KIDINS220: variants seen among roughly 807,000 people sequenced by gnomAD.
KIDINS220 encodes kinase D interacting substrate 220.
In KIDINS220, 63 loss-of-function variants were observed where a neutral mutation model predicts 157.6. That is an observed-to-expected ratio of 0.40 (90% CI 0.33 to 0.49). KIDINS220 has a LOEUF of 0.49. Among genes scored for constraint, KIDINS220 ranks in the 20% least tolerant of loss-of-function variants. KIDINS220 has a pLI of 0.66. For synonymous variants in KIDINS220, 732 were observed against 783.6 expected (o/e 0.93, Z 1.10); for missense variants, 1,772 against 2,171.2 (o/e 0.82, Z 3.65).
intron 26 of KIDINS220, chr2:8,737,396 C>T (rs1430060087): frequency 6.3e-6 from 1 of 159,578 alleles, no homozygotes. Context: ...TATATGAATA[C>T]AAAAAATAAA....
At chr2:8,819,501 T>C (rs1040790572) in intron 2 of KIDINS220, among the ~76,000 whole-genome samples, 3 of 152,102 alleles carry the variant, frequency 2.0e-5, no homozygotes, top group African/African-American at 7.2e-5. Context: ...TCATTTTCTG[T>C]AAGTGCCATG....
At chr2:8,834,408 G>C (rs531509125) in intron 1 of KIDINS220, among the ~76,000 whole-genome samples, 1 of 151,478 alleles carries the variant, frequency 6.6e-6, no homozygotes. Flanking sequence ...CACCTGATCA[G>C]AGCTTCTCTG....
intron 4 of KIDINS220, among the ~76,000 whole-genome samples, chr2:8,817,063 G>A (rs1677181026): frequency 6.6e-6 from 1 of 152,226 alleles, no homozygotes; most frequent in East Asian, 1.9e-4. Context: ...TAAAAGGGCT[G>A]AACATTTTAC....
Position 8,823,868 on chromosome 2 carries a change from A to G in KIDINS220, c.108+3118T>C, listed in dbSNP as rs183993236. On this transcript the variant is annotated intron_variant, in intron 2 of 29. Transcript: ENST00000256707. ...TGTATAACAACTTTTGACTATTCAT[A>G]ATCATTGAAGGGGGTAATGATGTTA... 9.8e-5 allele frequency among the ~76,000 whole-genome samples: 15 copies of G among 152,300 alleles called. No homozygotes were observed. The East Asian group carries it at 2.5e-3, about 25-fold the overall frequency.
chr2:8,816,645 T>G (rs989353219), intron 4 of KIDINS220, among the ~76,000 whole-genome samples: 3 of 152,212 alleles, frequency 2.0e-5, no homozygotes, highest in African/African-American at 2.4e-5. Context: ...CTCCCTGCAT[T>G]TCCCTTCTAC....
chr2:8,814,234 C>T (rs73916011), intron 4 of KIDINS220, among the ~76,000 whole-genome samples: 4,549 of 152,100 alleles, frequency 0.03, 221 homozygotes, highest in African/African-American at 0.1. Context: ...TCCTTAACTA[C>T]GATACGATTC....
chr2:8,826,983 T>G lies in KIDINS220; in HGVS notation c.108+3A>C. On this transcript the variant is annotated splice_donor_region_variant and intron_variant, in intron 2 of 29. Coordinates refer to ENST00000256707, the MANE Select transcript of KIDINS220 (RefSeq NM_020738.4). ...GAATGTAATTTTGCAAACTTGGTCT[T>G]ACCTCATTTCTCTCATCTACATCTT... 6.4e-7 allele frequency: 1 copy of G among 1,567,680 alleles called. No individual in the cohort carries two copies. Among genetic ancestry groups the G allele is most frequent in the Non-Finnish European group, 8.8e-7 (1 of 1,141,568 alleles).
intron 23 of KIDINS220, 57 bp from the exon 24 acceptor site, chr2:8,750,392 T>C: frequency 1.7e-6 from 2 of 1,200,664 alleles, no homozygotes; most frequent in South Asian, 4.5e-5. Context: ...TAGGAATCAG[T>C]CCAATTATCA....
chr2:8,751,523 T>C lies in KIDINS220; in HGVS notation c.3133A>G (p.Lys1045Glu), dbSNP rs1366138465. 6.2e-7 allele frequency: 1 copy of C among 1,613,622 alleles called. No individual in the cohort carries two copies. Among genetic ancestry groups the C allele is most frequent in the African/African-American group, 1.3e-5 (1 of 74,880 alleles). ...TTTACAGTGCATGGCAAAAAGACTT[T>C]TACATCTCGAGCCACAAGAACTGGG... ...RTPVLVARDVKVFLPCTVNLD... is the reference protein window; with the variant it reads ...RTPVLVARDVEVFLPCTVNLD... The change falls in exon 23 of 30, where the codon AAA becomes GAA. Residue 1045 changes from lysine (K) to glutamate (E), a missense_variant. Physicochemically the swap from Lys to Glu is moderately conservative, Grantham distance 56. Coordinates refer to ENST00000256707, the MANE Select transcript of KIDINS220 (RefSeq NM_020738.4).
At chr2:8,824,144 G>T (rs947607001) in intron 2 of KIDINS220, among the ~76,000 whole-genome samples, 13 of 152,020 alleles carry the variant, frequency 8.6e-5, no homozygotes, top group African/African-American at 3.1e-4. Flanking sequence ...CAGCTGCTAC[G>T]CAAGTTAAAT....
At chr2:8,723,175 G>T (rs1663057475), downstream of KIDINS220, 1 of 152,268 alleles carries the variant, frequency 6.6e-6, no homozygotes, top group Non-Finnish European at 1.5e-5. Flanking sequence ...GATTTCCCAT[G>T]CACCCTGGCA....
downstream of KIDINS220, among the ~76,000 whole-genome samples, chr2:8,728,354 A>C (rs1272389189): frequency 6.7e-6 from 1 of 149,796 alleles, no homozygotes; most frequent in Non-Finnish European, 1.5e-5. Context: ...AACAAACAAA[A>C]CCACAAAAAA....
At chr2:8,727,938 C>A (rs1253039190), downstream of KIDINS220, among the ~76,000 whole-genome samples, 4 of 152,330 alleles carry the variant, frequency 2.6e-5, no homozygotes, top group East Asian at 7.7e-4. Context: ...CTGCAGAAAG[C>A]CTGTACTCAC....
At chr2:8,775,547 T>C (rs967201369) in intron 21 of KIDINS220, among the ~76,000 whole-genome samples, 8 of 152,128 alleles carry the variant, frequency 5.3e-5, no homozygotes, top group Non-Finnish European at 8.8e-5. Context: ...TCAAATAAGA[T>C]GAGCACTGGC....
chr2:8,727,298 C>T (rs879392959), downstream of KIDINS220: 18 of 1,039,540 alleles, frequency 1.7e-5, no homozygotes, highest in Middle Eastern at 4.7e-4. Flanking sequence ...AAAGGAGGCT[C>T]GATGCTCAGT....
intron 23 of KIDINS220, 123 bp downstream of exon 23, chr2:8,751,343 G>T: frequency 1.6e-6 from 1 of 639,346 alleles, no homozygotes; most frequent in Non-Finnish European, 2.6e-6. Flanking sequence ...ATTTTTCTGT[G>T]TAGTGCTTAG....
intron 2 of KIDINS220, among the ~76,000 whole-genome samples, chr2:8,824,921 G>A (rs144356938): frequency 1.2e-3 from 183 of 152,236 alleles, no homozygotes; most frequent in Non-Finnish European, 1.9e-3. Flanking sequence ...ATAAGCCAGT[G>A]ACAAAAAGAC....
intron 23 of KIDINS220, 85 bp from the exon 24 acceptor site, chr2:8,750,420 T>A: frequency 1.1e-6 from 1 of 876,358 alleles, no homozygotes; most frequent in Non-Finnish European, 1.6e-6. Context: ...CTTTAGTTAC[T>A]AGGCAGAAAC....
At chr2:8,726,597 G>T (rs1663342377), downstream of KIDINS220, among the ~76,000 whole-genome samples, 3 of 152,176 alleles carry the variant, frequency 2.0e-5, no homozygotes, top group South Asian at 6.2e-4. Flanking sequence ...ATTTTGTCGT[G>T]GGAGCATCAC....
Sources: gnomAD v4.1 joint callset for allele counts (sites outside exome capture counted in the v4.1 genomes callset) on GRCh38, gnomAD v4.1.1 for gene constraint, MANE v1.5 for transcripts, NCBI Gene and HGNC (gene_info 2026-07-23, HGNC 2026-07-21) for gene names.